Variants in ANKRD26 observed in about 807,000 individuals in gnomAD.
ANKRD26 encodes the protein ankyrin repeat domain 26.
In ANKRD26, 141 loss-of-function variants were observed where a neutral mutation model predicts 208.7. That is an observed-to-expected ratio of 0.68 (90% CI 0.59 to 0.78). The LOEUF is 0.78. Ranked by LOEUF, ANKRD26 falls within the 30% of genes least tolerant of loss-of-function variation. The pLI is 0.00. For synonymous variants in ANKRD26, 636 were observed against 660.4 expected (o/e 0.96, Z 0.57); for missense variants, 1,889 against 1,938.7 (o/e 0.97, Z 0.48).
At position 27,079,016 on chromosome 10, in the gene ANKRD26, C is replaced by A. The variant is rs975172294; in HGVS notation, c.813+73G>T. On this transcript the variant is annotated intron_variant, in intron 7 of 33. Transcript: ENST00000376087. ...GAAAACAATGATAAGTAGACCACTG[C>A]AAAATTTTAAGAGAATACTATACGA... 3.6e-6 allele frequency: 5 copies of A among 1,379,228 alleles called. No individual in the cohort carries two copies. The African/African-American group carries it at 4.3e-5, about 12-fold the overall frequency. 85.4% of individuals were successfully genotyped at this position (1,379,228 alleles called of 1,614,324 possible).
intron 15 of ANKRD26, among the ~76,000 whole-genome samples, chr10:27,059,063 T>C (rs2054951602): frequency 2.0e-5 from 3 of 151,808 alleles, no homozygotes; most frequent in Non-Finnish European, 4.4e-5. Context: ...TACGGGAGCC[T>C]GCCACCACGC....
intron 4 of ANKRD26, among the ~76,000 whole-genome samples, chr10:27,091,498 T>C (rs1450257697): frequency 6.6e-6 from 1 of 152,088 alleles, no homozygotes; most frequent in African/African-American, 2.4e-5. Flanking sequence ...ATAATGAAAC[T>C]ATAGTATCTG....
intron 12 of ANKRD26, 87 bp from the exon 13 acceptor site, chr10:27,061,329 A>T: frequency 1.2e-6 from 1 of 821,896 alleles, no homozygotes; most frequent in South Asian, 1.6e-5. Flanking sequence ...GATATTAATA[A>T]CATTTTATAT....
rs36035101 is a variant in ANKRD26, at chr10:27,086,768, GTTTT to G, written c.639-163_639-160del. Reference sequence around the variant, plus strand: ...ATATGTAAGCTCTACAAACTTTTTTGTTTTTTTTTTTTTTTTTTTTTGAGACAGA... The same window carrying G: ...ATATGTAAGCTCTACAAACTTTTTTGTTTTTTTTTTTTTTTTTGAGACAGA... On this transcript the variant is annotated intron_variant, in intron 4 of 33. Transcript: ENST00000376087. Among the ~76,000 whole-genome samples the G allele has an allele frequency of 6.3e-3, 612 of 96,982 alleles. 1 individual carries two copies. Among genetic ancestry groups the G allele is most frequent in the African/African-American group, 0.021 (559 of 26,512 alleles). The allele number at this position is 96,982 out of a possible 152,430, so 63.6% of individuals were successfully genotyped here.
chr10:27,059,358 A>G (rs955712170), intron 15 of ANKRD26, among the ~76,000 whole-genome samples: 26 of 152,254 alleles, frequency 1.7e-4, no homozygotes, highest in Non-Finnish European at 3.7e-4. Flanking sequence ...TAGGCAAACA[A>G]AAGAAAGTTG....
intron 27 of ANKRD26, among the ~76,000 whole-genome samples, chr10:27,027,003 C>T (rs1314622229): frequency 6.6e-6 from 1 of 152,140 alleles, no homozygotes; most frequent in Non-Finnish European, 1.5e-5. Flanking sequence ...CCAGGCTGGT[C>T]TCAAACTCCT....
At chr10:26,964,469 A>T in the ANKRD26 span, among the ~76,000 whole-genome samples, 1 of 152,212 alleles carries the variant, frequency 6.6e-6, no homozygotes, top group Non-Finnish European at 1.5e-5. Flanking sequence ...CATTAAACGA[A>T]GGGTCTAACA....
exon 6 of ANKRD26, among the ~76,000 whole-genome samples, chr10:26,974,372 G>A (rs983239890): frequency 2.9e-5 from 4 of 137,774 alleles, no homozygotes; most frequent in South Asian, 4.5e-4. Context: ...ATGGAGTCCC[G>A]CTCTGTTGCC....
intron 25 of ANKRD26, chr10:27,030,739 T>A: frequency 3.5e-6 from 1 of 285,816 alleles, no homozygotes; most frequent in Non-Finnish European, 5.2e-6. Context: ...AATAACCACC[T>A]ATGTTAGCTG....
intron 5 of ANKRD26, 86 bp from the exon 6 acceptor site, chr10:27,082,919 A>C (rs879642526): frequency 6.7e-7 from 1 of 1,490,988 alleles, no homozygotes; most frequent in Admixed American, 2.1e-5. Context: ...AGTTTGTTAC[A>C]AAGTATCCCT....
chr10:27,092,478 C>T lies in ANKRD26; in HGVS notation c.566G>A (p.Gly189Glu), dbSNP rs370685193. Residue 189 changes from glycine (G) to glutamate (E), a missense_variant, in exon 4 of 34, where the codon GGA becomes GAA. Around this residue, in one of 3 missense-constraint regions of ANKRD26, gnomAD observed 1,272 missense variants for 1,273.8 expected, o/e 1.00. Coordinates refer to ENST00000376087, the MANE Select transcript of ANKRD26 (RefSeq NM_014915.3). ...DLTPLLLAVS[G>E]KKQQMVEFLI... ...AAATTCCACCATTTGCTGCTTTTTTCCACTTACTGCAAGTAAAAGTGGTGT... is the reference window on the plus strand; with the variant it reads ...AAATTCCACCATTTGCTGCTTTTTTTCACTTACTGCAAGTAAAAGTGGTGT... 2 of 1,613,470 alleles carry T rather than the reference C, an allele frequency of 1.2e-6. No homozygotes were observed. The highest frequency in any genetic ancestry group is 2.7e-5 in the African/African-American group (2 of 74,892).
downstream of ANKRD26, among the ~76,000 whole-genome samples, chr10:27,003,150 T>C (rs1045449769): frequency 3.3e-5 from 5 of 152,156 alleles, no homozygotes; most frequent in Non-Finnish European, 5.9e-5. Context: ...AATGAGTACT[T>C]AATATATATT....
chr10:27,025,279 T>G (rs1204665415), intron 27 of ANKRD26, among the ~76,000 whole-genome samples: 2 of 152,126 alleles, frequency 1.3e-5, no homozygotes, highest in African/African-American at 4.8e-5. Context: ...CAAGCAATCC[T>G]CCCACCTCAG....
intron 29 of ANKRD26, among the ~76,000 whole-genome samples, chr10:27,021,020 T>C (rs988746282): frequency 9.2e-5 from 14 of 152,250 alleles, no homozygotes; most frequent in African/African-American, 3.1e-4. Flanking sequence ...AAAGGGTACA[T>C]ATGCAGGCTT....
chr10:26,986,029 T>C (rs563186897), intron 3 of ANKRD26, among the ~76,000 whole-genome samples: 42 of 152,240 alleles, frequency 2.8e-4, no homozygotes, highest in African/African-American at 9.9e-4. Flanking sequence ...CTTCAAACTA[T>C]ACTACAAGGC....
At chr10:26,967,170 T>C in the ANKRD26 span, among the ~76,000 whole-genome samples, 2 of 152,206 alleles carry the variant, frequency 1.3e-5, no homozygotes, top group Admixed American at 1.3e-4. Context: ...TTGCCATCTC[T>C]AAAAGCACTT....
In ANKRD26 at chr10:27,046,501, T is replaced by A. The variant is rs778872489; in HGVS notation, c.1837A>T (p.Lys613Ter). ...YASSGPALQM[K>*]EVKSTEKEKR... ...TCTTTTTCAGTGCTCTTTACTTCCT[T>A]CATTTGCAAGGCAGGACCACTACTT... The change falls in exon 18 of 34, where the codon AAG (lysine) becomes TAG (stop). Residue 613 changes from lysine (K) to a stop codon, truncating the protein, a stop_gained. Transcript: ENST00000376087. LOFTEE classifies it high-confidence loss of function. 6.2e-7 allele frequency: 1 copy of A among 1,613,836 alleles called. No homozygotes were observed. The highest frequency in any genetic ancestry group is 8.5e-7 in the Non-Finnish European group (1 of 1,179,982).
At chr10:26,978,430 TAGGTGAC>T (rs773891441) in intron 5 of ANKRD26, among the ~76,000 whole-genome samples, 115 of 152,202 alleles carry the variant, frequency 7.6e-4, no homozygotes, top group Non-Finnish European at 1.0e-3. Context: ...CACTGCAGCC[TAGGTGAC>T]AGAGTGAGAC....
intron 5 of ANKRD26, 26 bp downstream of exon 5, chr10:27,086,513 G>C: frequency 6.2e-7 from 1 of 1,602,412 alleles, no homozygotes; most frequent in Non-Finnish European, 8.5e-7. Flanking sequence ...CTATTACCAA[G>C]AGAAATTCAC....
Sources: allele counts gnomAD v4.1 joint callset (sites outside exome capture counted in the v4.1 genomes callset), GRCh38; gene constraint gnomAD v4.1.1; regional missense constraint gnomAD v4.1.1; transcripts MANE v1.5; gene names NCBI Gene and HGNC (gene_info 2026-07-23, HGNC 2026-07-21).